The following GRK3 variants were observed in gnomAD, a reference collection of about 807,000 sequenced individuals.
GRK3 encodes the protein G protein-coupled receptor kinase 3.
GRK3 carries 54 observed loss-of-function variants against 95.7 expected under a neutral mutation model. The ratio of observed to expected loss-of-function variants is 0.56; its 90% CI spans 0.45 to 0.71. The LOEUF (loss-of-function observed/expected upper bound fraction) is 0.71. Among genes scored for constraint, GRK3 ranks in the 30% least tolerant of loss-of-function variants. The probability of loss-of-function intolerance (pLI) is 0.00; values close to 1 mark genes in which losing one functional copy is unlikely to be tolerated. For missense variants in GRK3, 649 were observed against 851.2 expected (o/e 0.76, Z 2.96); for synonymous variants, 281 against 290.8 (o/e 0.97, Z 0.34).
intron 2 of GRK3, among the ~76,000 whole-genome samples, chr22:25,633,005 G>A (rs547279051): frequency 6.6e-6 from 1 of 152,178 alleles, no homozygotes; most frequent in South Asian, 2.1e-4. Flanking sequence ...CTGCCTCCCA[G>A]GTTCAAGTGA....
In GRK3 at chr22:25,574,043, T is replaced by A. The variant is rs73413089; in HGVS notation, c.113+8890T>A. Reference sequence around the variant, plus strand: ...GTTTCTTCAATGTCAGCAATAAAACTTTCTTGAATAATATGCTGTTAGTAT... The same window carrying A: ...GTTTCTTCAATGTCAGCAATAAAACATTCTTGAATAATATGCTGTTAGTAT... On this transcript the variant is annotated intron_variant, in intron 1 of 20. Coordinates refer to ENST00000324198, the MANE Select transcript of GRK3 (RefSeq NM_005160.4). Among the ~76,000 whole-genome samples, 891 of 152,334 alleles carry A rather than the reference T, an allele frequency of 5.8e-3. 5 individuals carry two copies. The highest frequency in any genetic ancestry group is 0.02 in the African/African-American group (850 of 41,574).
chr22:25,661,264 G>A (rs892609273), intron 3 of GRK3, among the ~76,000 whole-genome samples: 5 of 152,188 alleles, frequency 3.3e-5, no homozygotes, highest in Non-Finnish European at 1.5e-5. Context: ...TGGCAAGGAT[G>A]CATGGTCTAT....
intron 20 of GRK3, 146 bp downstream of exon 20, chr22:25,721,543 A>G: frequency 1.8e-6 from 1 of 541,768 alleles, no homozygotes; most frequent in South Asian, 2.4e-5. Flanking sequence ...GTTTTCAGCA[A>G]ATTCATCGTG....
intron 1 of GRK3, among the ~76,000 whole-genome samples, chr22:25,565,528 C>T (rs1036506561): frequency 6.6e-6 from 1 of 152,108 alleles, no homozygotes. Flanking sequence ...GTGTAGTCCC[C>T]GTTGGCTCCT....
At chr22:25,571,475 T>C (rs1394884190) in intron 1 of GRK3, among the ~76,000 whole-genome samples, 1 of 152,150 alleles carries the variant, frequency 6.6e-6, no homozygotes, top group Non-Finnish European at 1.5e-5. Flanking sequence ...ATATTGAATT[T>C]CAGACACGGA....
chr22:25,605,790 TG>T (rs2084441341), intron 2 of GRK3, among the ~76,000 whole-genome samples: 1 of 152,212 alleles, frequency 6.6e-6, no homozygotes, highest in South Asian at 2.1e-4. Flanking sequence ...TCCATGGATT[TG>T]CTTGTGTTGG....
chr22:25,565,806 G>A (rs1406516469), intron 1 of GRK3, among the ~76,000 whole-genome samples: 4 of 152,172 alleles, frequency 2.6e-5, no homozygotes, highest in Non-Finnish European at 4.4e-5. Context: ...GGTGCCAAGT[G>A]TGTCACCTGA....
chr22:25,649,671 C>A (rs188493820), intron 3 of GRK3, among the ~76,000 whole-genome samples: 8 of 152,254 alleles, frequency 5.3e-5, no homozygotes, highest in Admixed American at 2.6e-4. Context: ...TAATTCCATT[C>A]CAGTTTTTTA....
intron 1 of GRK3, among the ~76,000 whole-genome samples, chr22:25,582,969 T>A (rs1932154432): frequency 6.6e-6 from 1 of 152,200 alleles, no homozygotes; most frequent in Non-Finnish European, 1.5e-5. Flanking sequence ...GTGACAGAGA[T>A]CTCAGAATCC....
At chr22:25,704,328 G>T in intron 15 of GRK3, 119 bp downstream of exon 15, 2 of 681,126 alleles carry the variant, frequency 2.9e-6, no homozygotes, top group Non-Finnish European at 4.9e-6. Flanking sequence ...CTTGAAAGGG[G>T]AAAAAAATAA....
intron 11 of GRK3, among the ~76,000 whole-genome samples, chr22:25,688,291 A>G (rs375549649): frequency 2.0e-5 from 3 of 151,768 alleles, no homozygotes; most frequent in African/African-American, 7.3e-5. Flanking sequence ...CACCCATTTC[A>G]TAGTTAATTA....
At chr22:25,659,409 C>T (rs2084895508) in intron 3 of GRK3, among the ~76,000 whole-genome samples, 1 of 152,144 alleles carries the variant, frequency 6.6e-6, no homozygotes, top group African/African-American at 2.4e-5. Context: ...CACCTGTGGA[C>T]CAAAAGTGCT....
At chr22:25,702,445 T>C (rs973370676) in intron 13 of GRK3, among the ~76,000 whole-genome samples, 9 of 152,216 alleles carry the variant, frequency 5.9e-5, no homozygotes, top group Non-Finnish European at 1.2e-4. Flanking sequence ...TTATGTCATA[T>C]ATGCCTTATA....
intron 3 of GRK3, among the ~76,000 whole-genome samples, chr22:25,645,644 C>A (rs2084775819): frequency 6.6e-6 from 1 of 152,144 alleles, no homozygotes; most frequent in Admixed American, 6.5e-5. Flanking sequence ...CAAAGCAGGC[C>A]AGGCACGGTG....
chr22:25,619,066 G>A (rs935833732), intron 2 of GRK3, among the ~76,000 whole-genome samples: 1 of 152,018 alleles, frequency 6.6e-6, no homozygotes, highest in African/African-American at 2.4e-5. Context: ...TGAAATATTT[G>A]GCTCTTGGTG....
In GRK3 at chr22:25,704,841, A is replaced by T. The variant is rs1040198983; in HGVS notation, c.1328+632A>T. 2.6e-5 allele frequency among the ~76,000 whole-genome samples: 4 copies of T among 152,190 alleles called. No homozygotes were observed. The East Asian group carries it at 7.7e-4, about 29-fold the overall frequency. ...TTTAACATTCTGATCAGTTTCTCAC[A>T]TATTTCTCTCATGCATAACTGAGTA... On this transcript the variant is annotated intron_variant, in intron 15 of 20. Transcript: ENST00000324198.
At chr22:25,712,776 A>G (rs1412029740) in intron 17 of GRK3, among the ~76,000 whole-genome samples, 2 of 152,218 alleles carry the variant, frequency 1.3e-5, no homozygotes, top group African/African-American at 4.8e-5. Flanking sequence ...ATGCTTGACA[A>G]ACTAGTAGCT....
intron 1 of GRK3, among the ~76,000 whole-genome samples, chr22:25,565,586 G>A (rs1931447149): frequency 6.6e-6 from 1 of 152,116 alleles, no homozygotes; most frequent in African/African-American, 2.4e-5. Flanking sequence ...TTCTTCCCGG[G>A]CTCATTGGTC....
chr22:25,681,496 G>C (rs995769490), intron 9 of GRK3, among the ~76,000 whole-genome samples: 4 of 152,088 alleles, frequency 2.6e-5, no homozygotes, highest in Admixed American at 6.5e-5. Context: ...CAGGGTCTGC[G>C]GTGGTGGGGG....
Sources: gnomAD v4.1 joint callset for allele counts (sites outside exome capture counted in the v4.1 genomes callset) on GRCh38, gnomAD v4.1.1 for gene constraint, MANE v1.5 for transcripts, NCBI Gene and HGNC (gene_info 2026-07-23, HGNC 2026-07-21) for gene names.